The following FYN variants were observed in gnomAD, a reference collection of about 807,000 sequenced individuals.
FYN encodes tyrosine-protein kinase Fyn.
Under a neutral mutation model 70.2 loss-of-function variants are expected in FYN, and 10 were observed. That is an observed-to-expected ratio of 0.14 (90% confidence interval 0.09 to 0.24). The LOEUF (loss-of-function observed/expected upper bound fraction) is 0.24, where lower values mean the gene tolerates loss of function less well. Ranked by LOEUF, FYN falls within the 10% of genes least tolerant of loss-of-function variation. The pLI, the probability that FYN is intolerant of heterozygous loss-of-function variation, is 1.00. For missense variants in FYN, 319 were observed against 673.1 expected (o/e 0.47, Z 5.82); for synonymous variants, 236 against 248.6 (o/e 0.95, Z 0.48).
intron 12 of FYN, among the ~76,000 whole-genome samples, chr6:111,679,190 T>C (rs1227027550): frequency 6.6e-6 from 1 of 152,202 alleles, no homozygotes; most frequent in African/African-American, 2.4e-5. Flanking sequence ...TCAAAAGCCC[T>C]TAACCCATGG....
At chr6:111,698,465 C>A (rs1240307676) in intron 9 of FYN, among the ~76,000 whole-genome samples, 2 of 152,058 alleles carry the variant, frequency 1.3e-5, no homozygotes, top group Non-Finnish European at 2.9e-5. Context: ...CAGACCACAC[C>A]TAAAGATCTA....
intron 4 of FYN, 39 bp downstream of exon 4, chr6:111,719,766 G>A: frequency 6.3e-7 from 1 of 1,595,184 alleles, no homozygotes; most frequent in Non-Finnish European, 8.6e-7. Flanking sequence ...TTTAAGGGTG[G>A]CTGCCCCCTC....
chr6:111,794,988 C>T (rs1771757418), intron 2 of FYN, among the ~76,000 whole-genome samples: 1 of 152,188 alleles, frequency 6.6e-6, no homozygotes, highest in Admixed American at 6.5e-5. Context: ...GCCAACACAA[C>T]CCGCTAAAGC....
At chr6:111,722,438 T>C (rs1223448782) in intron 3 of FYN, among the ~76,000 whole-genome samples, 1 of 152,234 alleles carries the variant, frequency 6.6e-6, no homozygotes, top group Non-Finnish European at 1.5e-5. Flanking sequence ...TTCATCAGAC[T>C]GATAACTTGC....
In FYN at chr6:111,779,297, C is replaced by T. The variant is rs539842347; in HGVS notation, c.-12+1269G>A. 6.5e-4 allele frequency among the ~76,000 whole-genome samples: 99 copies of T among 151,980 alleles called. 1 individual carries two copies. Among genetic ancestry groups the T allele is most frequent in the African/African-American group, 2.1e-3 (89 of 41,428 alleles). On this transcript the variant is annotated intron_variant, in intron 3 of 13. Coordinates refer to ENST00000354650, the MANE Select transcript of FYN (RefSeq NM_002037.5). ...GAGTTTCCCAACCACAGGTAAAGGC[C>T]CCACCCAAAAGCCAAATTCTTTCAG... is the stretch of plus-strand genomic sequence containing the variant.
intron 13 of FYN, among the ~76,000 whole-genome samples, chr6:111,664,757 G>A (rs1797923348): frequency 6.6e-6 from 1 of 151,850 alleles, no homozygotes; most frequent in South Asian, 2.1e-4. Flanking sequence ...TTCTTCTCCT[G>A]CTTTCTTCTG....
intron 12 of FYN, among the ~76,000 whole-genome samples, chr6:111,693,034 G>A (rs1161218262): frequency 6.6e-6 from 1 of 152,208 alleles, no homozygotes; most frequent in African/African-American, 2.4e-5. Context: ...GCCACGTGTT[G>A]GGGAAATTCA....
chr6:111,851,911 G>A (rs1245641650), intron 1 of FYN, among the ~76,000 whole-genome samples: 3 of 150,648 alleles, frequency 2.0e-5, no homozygotes, highest in Non-Finnish European at 3.0e-5. Flanking sequence ...TTTTTCAAGA[G>A]AAGCTGGAAA....
intron 12 of FYN, among the ~76,000 whole-genome samples, chr6:111,687,111 G>A (rs1342155723): frequency 1.3e-5 from 2 of 152,188 alleles, no homozygotes; most frequent in African/African-American, 4.8e-5. Flanking sequence ...TACACAAAGA[G>A]TTATTAAAGT....
intron 2 of FYN, among the ~76,000 whole-genome samples, chr6:111,815,712 C>CTT (rs11320954): frequency 1.1e-4 from 16 of 140,486 alleles, no homozygotes; most frequent in Admixed American, 2.8e-4. Flanking sequence ...CTGAGTACTT[C>CTT]TTTTTTTTTT....
At chr6:111,680,510 C>T (rs1004849806) in intron 12 of FYN, among the ~76,000 whole-genome samples, 6 of 152,228 alleles carry the variant, frequency 3.9e-5, no homozygotes, top group African/African-American at 1.2e-4. Context: ...CTTCCCACGT[C>T]GTTCTTTCCC....
intron 2 of FYN, among the ~76,000 whole-genome samples, chr6:111,801,258 C>T (rs969216525): frequency 6.6e-6 from 1 of 152,192 alleles, no homozygotes; most frequent in African/African-American, 2.4e-5. Flanking sequence ...ACTTCCCACA[C>T]AGCAGATTTT....
intron 3 of FYN, among the ~76,000 whole-genome samples, chr6:111,726,302 G>T (rs928139398): frequency 3.3e-5 from 5 of 152,194 alleles, no homozygotes; most frequent in African/African-American, 1.2e-4. Flanking sequence ...ACATGTTTTG[G>T]TGGGATGGGC....
intron 9 of FYN, among the ~76,000 whole-genome samples, chr6:111,698,341 C>G (rs746024702): frequency 6.6e-6 from 1 of 152,154 alleles, no homozygotes; most frequent in African/African-American, 2.4e-5. Flanking sequence ...CCATGCTGGT[C>G]AGGCTGGTCT....
At chr6:111,817,877 C>A (rs560325117) in intron 2 of FYN, among the ~76,000 whole-genome samples, 2 of 152,180 alleles carry the variant, frequency 1.3e-5, no homozygotes, top group Admixed American at 6.5e-5. Context: ...ACAAGAGCAG[C>A]GTGATTCCTC....
intron 2 of FYN, among the ~76,000 whole-genome samples, chr6:111,835,485 C>T (rs1328567177): frequency 6.6e-6 from 1 of 152,244 alleles, no homozygotes; most frequent in African/African-American, 2.4e-5. Flanking sequence ...AGGGGTGCCT[C>T]CTTGGCCAGT....
intron 2 of FYN, among the ~76,000 whole-genome samples, chr6:111,800,538 G>C (rs573243283): frequency 6.6e-6 from 1 of 152,300 alleles, no homozygotes; most frequent in African/African-American, 2.4e-5. Flanking sequence ...AATTTACTAT[G>C]ATCTAAAACG....
At chr6:111,859,423 A>G (rs926498871) in intron 1 of FYN, among the ~76,000 whole-genome samples, 1 of 152,128 alleles carries the variant, frequency 6.6e-6, no homozygotes, top group Non-Finnish European at 1.5e-5. Flanking sequence ...CTATTTACAC[A>G]CTGTGCTACA....
intron 3 of FYN, among the ~76,000 whole-genome samples, chr6:111,728,302 T>C (rs929926259): frequency 1.3e-5 from 2 of 152,186 alleles, no homozygotes; most frequent in East Asian, 1.9e-4. Context: ...TTTTGGACCA[T>C]AGAAAAGCCC....
Sources: allele counts gnomAD v4.1 joint callset (sites outside exome capture counted in the v4.1 genomes callset), GRCh38; gene constraint gnomAD v4.1.1; transcripts MANE v1.5; gene names NCBI Gene and HGNC (gene_info 2026-07-23, HGNC 2026-07-21).